Variants in MSH4 observed in about 807,000 individuals in gnomAD.
MSH4 encodes mutS homolog 4.
MSH4 carries 106 observed loss-of-function variants against 113.7 expected under a neutral mutation model. The ratio of observed to expected loss-of-function variants is 0.93; its 90% CI spans 0.80 to 1.10. The LOEUF (loss-of-function observed/expected upper bound fraction) is 1.10, where lower values mean the gene tolerates loss of function less well. Ranked by LOEUF, MSH4 falls within the 50% of genes least tolerant of loss-of-function variation. MSH4 has a pLI of 0.00. For synonymous variants in MSH4, 368 were observed against 380.2 expected, an observed-to-expected ratio of 0.97 and a Z score of 0.37; for missense variants, 1,061 against 1,093.7, an observed-to-expected ratio of 0.97 and a Z score of 0.42.
At chr1:75,899,181 T>G (rs902405568) in intron 18 of MSH4, among the ~76,000 whole-genome samples, 4 of 152,192 alleles carry the variant, frequency 2.6e-5, no homozygotes, top group Non-Finnish European at 1.5e-5. Context: ...CTGTTACATC[T>G]TCTGAGAAAT....
intron 19 of MSH4, among the ~76,000 whole-genome samples, chr1:75,906,499 A>ATATAT (rs1557534240): frequency 1.8e-3 from 2 of 1,104 alleles, no homozygotes; most frequent in Non-Finnish European, 2.3e-3. Flanking sequence ...TATATATTAT[A>ATATAT]TATATATAAT....
At chr1:75,830,444 G>A (rs4347163) in intron 7 of MSH4, among the ~76,000 whole-genome samples, 31,512 of 151,906 alleles carry the variant, frequency 0.21, 3,839 homozygotes, top group African/African-American at 0.3. Context: ...AGAGAACGCC[G>A]CAAAGATACT....
In MSH4 at chr1:75,879,133, AT is replaced by A; in HGVS notation, c.1677+9del. ...CTTCCTTCAGAATTTATTAAGGTTC[AT>A]TTTAGAGTGGTTAGGAAATTAGTGT... On this transcript the variant is annotated splice_donor_region_variant and intron_variant, in intron 12 of 19. Transcript: ENST00000263187. The A allele has an allele frequency of 6.2e-7, 1 of 1,606,734 alleles. No individual in the cohort carries two copies. Among genetic ancestry groups the A allele is most frequent in the Non-Finnish European group, 8.5e-7 (1 of 1,174,428 alleles).
In MSH4 at chr1:75,900,031, A is replaced by C. The variant is rs191367390; in HGVS notation, c.2619+325A>C. Among the ~76,000 whole-genome samples the C allele has an allele frequency of 3.9e-5, 6 of 151,978 alleles. No homozygotes were observed. In the East Asian group the frequency reaches 1.2e-3, roughly 29 times the overall value. On this transcript the variant is annotated intron_variant, in intron 19 of 19. Transcript: ENST00000263187. ...GTGGACATTAAAAATGAAAATCACT[A>C]TGCACAATATTTGTATAATTATATA... is the stretch of plus-strand genomic sequence containing the variant.
intron 7 of MSH4, among the ~76,000 whole-genome samples, chr1:75,846,676 T>C (rs1355309776): frequency 1.3e-5 from 2 of 152,216 alleles, no homozygotes; most frequent in African/African-American, 4.8e-5. Flanking sequence ...ACCACTTAAG[T>C]AGTCTTTACA....
Position 75,809,424 on chromosome 1 carries a change from A to G in MSH4, c.589-1273A>G, listed in dbSNP as rs796211247. The stretch of plus-strand genomic sequence containing the variant: ...TGTAGGTATTTTATACATTTTTACA[A>G]TTTCAAAAGAGTAGGAAAAAAGTTT... On this transcript the variant is annotated intron_variant, in intron 3 of 19. Transcript: ENST00000263187. Among the ~76,000 whole-genome samples, 5 of 152,054 alleles carry G rather than the reference A, an allele frequency of 3.3e-5. No individual in the cohort carries two copies. In the South Asian group the frequency reaches 8.3e-4, roughly 25 times the overall value.
At chr1:75,826,365 A>C (rs1039544208) in intron 7 of MSH4, among the ~76,000 whole-genome samples, 1 of 151,650 alleles carries the variant, frequency 6.6e-6, no homozygotes, top group Non-Finnish European at 1.5e-5. Context: ...TTTCTTCTTT[A>C]TTAGTCTGCA....
intron 19 of MSH4, among the ~76,000 whole-genome samples, chr1:75,904,414 T>C (rs1249883308): frequency 8.5e-5 from 13 of 152,202 alleles, no homozygotes; most frequent in Admixed American, 8.5e-4. Flanking sequence ...CTGTAATTAA[T>C]TGAAATAATT....
At chr1:75,876,555 T>C (rs1480557039) in intron 9 of MSH4, among the ~76,000 whole-genome samples, 1 of 152,150 alleles carries the variant, frequency 6.6e-6, no homozygotes, top group East Asian at 1.9e-4. Context: ...TTTATGAATA[T>C]ACAAAGCACT....
At chr1:75,854,388 T>G (rs1651270603) in intron 8 of MSH4, among the ~76,000 whole-genome samples, 1 of 152,106 alleles carries the variant, frequency 6.6e-6, no homozygotes, top group Admixed American at 6.5e-5. Context: ...TTCTCACCTC[T>G]CTCAGGCTCA....
At chr1:75,802,228 T>C (rs1176364809) in intron 1 of MSH4, among the ~76,000 whole-genome samples, 1 of 152,140 alleles carries the variant, frequency 6.6e-6, no homozygotes, top group Non-Finnish European at 1.5e-5. Flanking sequence ...TAAGGAGTCG[T>C]TACAGCTATA....
At chr1:75,859,873 C>T (rs1651413447) in intron 8 of MSH4, among the ~76,000 whole-genome samples, 2 of 152,092 alleles carry the variant, frequency 1.3e-5, no homozygotes, top group South Asian at 4.2e-4. Context: ...TTAACGTCTC[C>T]CATTATTACT....
In MSH4 at chr1:75,912,715, C is replaced by A; in HGVS notation, c.2639C>A (p.Pro880His). 1 of 1,542,574 alleles carries A rather than the reference C, an allele frequency of 6.5e-7. No individual in the cohort carries two copies. The highest frequency in any genetic ancestry group is 2.1e-5 in the Admixed American group (1 of 47,056). ...TGACAGCAAAACCAAAGGAGTACCC[C>A]TGAGATGGAAAGACAGAGAGCTGTG... ...RQILQNQRST[P>H]EMERQRAVYH... Residue 880 changes from proline (P) to histidine (H), a missense_variant, in exon 20 of 20, where the codon CCT (proline) becomes CAT (histidine). Physicochemically the swap from Pro to His is moderately conservative, Grantham distance 77. Coordinates refer to ENST00000263187, the MANE Select transcript of MSH4 (RefSeq NM_002440.4).
At chr1:75,860,827 A>G (rs939794119) in intron 8 of MSH4, among the ~76,000 whole-genome samples, 3 of 152,122 alleles carry the variant, frequency 2.0e-5, no homozygotes, top group African/African-American at 7.2e-5. Flanking sequence ...AGGTTGGGGA[A>G]GTTCTCCTGG....
At chr1:75,885,957 G>GATA (rs1557524515) in intron 15 of MSH4, among the ~76,000 whole-genome samples, 2 of 106,956 alleles carry the variant, frequency 1.9e-5, no homozygotes, top group African/African-American at 3.7e-5. Context: ...TATATATGAT[G>GATA]TATTATATAG....
chr1:75,834,823 A>C (rs536996636), intron 7 of MSH4, among the ~76,000 whole-genome samples: 1 of 152,238 alleles, frequency 6.6e-6, no homozygotes, highest in Admixed American at 6.5e-5. Context: ...GATATTTGTA[A>C]ATGAGGAGTT....
At position 75,799,521 on chromosome 1, in the gene MSH4, G is replaced by A. The variant is rs58285034; in HGVS notation, c.244+2292G>A. Among the ~76,000 whole-genome samples, 1,177 of 152,312 alleles carry A rather than the reference G, an allele frequency of 7.7e-3. 11 individuals carry two copies. The highest frequency in any genetic ancestry group is 0.027 in the African/African-American group (1,128 of 41,564). ...CAAAAGTGGGAAAAGACATTTCACA[G>A]AGTAAGTGCACCTTGAACTGGTCTT... On this transcript the variant is annotated intron_variant, in intron 1 of 19. Transcript: ENST00000263187.
chr1:75,854,013 G>GTATATATATATATATATATATATA (rs59347058), intron 8 of MSH4, among the ~76,000 whole-genome samples: 1,664 of 116,480 alleles, frequency 0.014, 76 homozygotes, highest in East Asian at 0.021. Flanking sequence ...GTGTGTGTGT[G>GTATATATATATATATATATATATA]TATATATATA....
rs762780884 is a variant in MSH4 at position 75,848,265 on chromosome 1, A to G, written c.1219A>G (p.Lys407Glu). Reference sequence around the variant, plus strand: ...TCTTTCTGTTTTAGTCCAAATTCCAAAGCAAGACACGGTATGTTTTTGTAT... The same window carrying G: ...TCTTTCTGTTTTAGTCCAAATTCCAGAGCAAGACACGGTATGTTTTTGTAT... ...QLLSVLVQIP[K>E]QDTVNAAESK... The change falls in exon 8 of 20, where the codon AAG becomes GAG. Residue 407 changes from lysine (K) to glutamate (E), a missense_variant. Coordinates refer to ENST00000263187, the MANE Select transcript of MSH4 (RefSeq NM_002440.4). The G allele has an allele frequency of 6.2e-7, 1 of 1,601,800 alleles. No individual in the cohort carries two copies. Among genetic ancestry groups the G allele is most frequent in the East Asian group, 2.2e-5 (1 of 44,672 alleles).
Sources: allele counts gnomAD v4.1 joint callset (sites outside exome capture counted in the v4.1 genomes callset), GRCh38; gene constraint gnomAD v4.1.1; transcripts MANE v1.5; gene names NCBI Gene and HGNC (gene_info 2026-07-23, HGNC 2026-07-21).